KPNA2: variants seen among roughly 807,000 people sequenced by gnomAD.
The protein encoded by KPNA2 is karyopherin subunit alpha 2.
KPNA2 carries 20 observed loss-of-function variants against 53.7 expected under a neutral mutation model. The observed-to-expected ratio is 0.37, with a 90% CI of 0.26 to 0.54. KPNA2 has a LOEUF of 0.54. Ranked by LOEUF, KPNA2 falls within the 20% of genes least tolerant of loss-of-function variation. KPNA2 has a pLI of 0.83. For missense variants in KPNA2, 515 were observed against 640.3 expected, an observed-to-expected ratio of 0.80 and a Z score of 2.11; for synonymous variants, 238 against 227.5, an observed-to-expected ratio of 1.05 and a Z score of -0.42.
chr17:68,044,515 C>G lies in KPNA2; in HGVS notation c.1347+12C>G. The G allele has an allele frequency of 6.2e-7, 1 of 1,606,062 alleles. No individual in the cohort carries two copies. The highest frequency in any genetic ancestry group is 2.2e-5 in the East Asian group (1 of 44,832). On this transcript the variant is annotated intron_variant, in intron 9 of 10. Transcript: ENST00000330459. ...CAAATATCTTTCAGGTAAGTCCTAT[C>G]AAGGTGGCTTTGTTTGAATTTGGAC...
At chr17:68,038,547 C>G (rs543568266) in intron 3 of KPNA2, among the ~76,000 whole-genome samples, 2 of 152,156 alleles carry the variant, frequency 1.3e-5, no homozygotes, top group South Asian at 4.1e-4. Context: ...TACTATTTTC[C>G]TGAAATTTTT....
At chr17:68,045,971 G>A in intron 10 of KPNA2, 50 bp downstream of exon 10, 2 of 1,242,832 alleles carry the variant, frequency 1.6e-6, no homozygotes, top group Non-Finnish European at 2.2e-6. Context: ...ATAAAGTCAA[G>A]GCCATAAGCC....
intron 3 of KPNA2, 44 bp downstream of exon 3, chr17:68,037,539 A>G (rs1320977976): frequency 1.3e-6 from 2 of 1,577,852 alleles, no homozygotes; most frequent in Non-Finnish European, 1.7e-6. Flanking sequence ...AAATCCAGAA[A>G]ATCAGTAGGG....
At chr17:68,041,148 G>A (rs1555704521) in intron 4 of KPNA2, among the ~76,000 whole-genome samples, 1 of 152,218 alleles carries the variant, frequency 6.6e-6, no homozygotes. Context: ...CCATTTAGGA[G>A]ATAAGTATAA....
At position 68,043,922 on chromosome 17, in the gene KPNA2, G is replaced by A. The variant is rs1555705029; in HGVS notation, c.1015G>A (p.Val339Ile). 10 of 1,613,426 alleles carry A rather than the reference G, an allele frequency of 6.2e-6. No individual in the cohort carries two copies. The highest frequency in any genetic ancestry group is 3.3e-5 in the Admixed American group (2 of 59,948). The change falls in exon 8 of 11, where the codon GTC (valine) becomes ATC (isoleucine). Residue 339 changes from valine (V) to isoleucine (I), a missense_variant. Coordinates refer to ENST00000330459, the MANE Select transcript of KPNA2 (RefSeq NM_002266.4). Reference sequence around the variant, plus strand: ...TGTGATTGATGCAGGAGCACTCGCCGTCTTTCCCAGCCTGCTCACCAACCC... The same window carrying A: ...TGTGATTGATGCAGGAGCACTCGCCATCTTTCCCAGCCTGCTCACCAACCC... Reference protein sequence around the residue: ...QVVIDAGALAVFPSLLTNPKT... With the variant: ...QVVIDAGALAIFPSLLTNPKT...
At chr17:68,042,861 CTCAA>C in intron 5 of KPNA2, 40 bp from the exon 6 acceptor site, 1 of 1,192,086 alleles carries the variant, frequency 8.4e-7, no homozygotes, top group South Asian at 1.3e-5. Context: ...GAAACTCCGT[CTCAA>C]AAAAAAAAAA....
chr17:68,038,272 C>G (rs1226380478), intron 3 of KPNA2, among the ~76,000 whole-genome samples: 1 of 152,038 alleles, frequency 6.6e-6, no homozygotes, highest in Non-Finnish European at 1.5e-5. Context: ...ACTGCCCGGC[C>G]TGTTTTTGTA....
intron 4 of KPNA2, among the ~76,000 whole-genome samples, chr17:68,041,740 T>C (rs1489993187): frequency 6.6e-6 from 1 of 152,062 alleles, no homozygotes; most frequent in Non-Finnish European, 1.5e-5. Flanking sequence ...CAAAATGTGC[T>C]TAACCACAAC....
In KPNA2 at chr17:68,045,748, A is replaced by G. The variant is rs782721521; in HGVS notation, c.1348-24A>G. 37 of 1,505,654 alleles carry G rather than the reference A, an allele frequency of 2.5e-5. No individual in the cohort carries two copies. In the African/African-American group the frequency reaches 4.6e-4, roughly 19 times the overall value. The allele number at this position is 1,505,654 out of a possible 1,614,324, so 93.3% of individuals were successfully genotyped here. ...AATAAAACCAGAGTATATGCCAGTA[A>G]ACTTGGATTTTTTTTTTTTTTAGGC... On this transcript the variant is annotated intron_variant, in intron 9 of 10. Coordinates refer to ENST00000330459, the MANE Select transcript of KPNA2 (RefSeq NM_002266.4).
intron 3 of KPNA2, among the ~76,000 whole-genome samples, 192 bp from the exon 4 acceptor site, chr17:68,040,486 G>A (rs2071246809): frequency 6.6e-6 from 1 of 152,136 alleles, no homozygotes; most frequent in African/African-American, 2.4e-5. Context: ...GTGAGTCCAT[G>A]ACAACAAGTT....
At position 68,043,908 on chromosome 17, in the gene KPNA2, C is replaced by A; in HGVS notation, c.1001C>A (p.Ala334Glu). 1 of 1,613,302 alleles carries A rather than the reference C, an allele frequency of 6.2e-7. No individual in the cohort carries two copies. Among genetic ancestry groups the A allele is most frequent in the Non-Finnish European group, 8.5e-7 (1 of 1,179,588 alleles). Reference sequence around the variant, plus strand: ...GAACAGACTCAGGTTGTGATTGATGCAGGAGCACTCGCCGTCTTTCCCAGC... The same window carrying A: ...GAACAGACTCAGGTTGTGATTGATGAAGGAGCACTCGCCGTCTTTCCCAGC... ...TDEQTQVVID[A>E]GALAVFPSLL... Residue 334 changes from alanine (A) to glutamate (E), a missense_variant, in exon 8 of 11, where the codon GCA becomes GAA. Coordinates refer to ENST00000330459, the MANE Select transcript of KPNA2 (RefSeq NM_002266.4).
At chr17:68,042,430 T>C (rs782674941) in intron 5 of KPNA2, 77 bp downstream of exon 5, 27 of 1,437,214 alleles carry the variant, frequency 1.9e-5, no homozygotes, top group South Asian at 2.5e-5. Flanking sequence ...TTATAAGTAA[T>C]AGTGACTTTG....
At chr17:68,046,156 A>G (rs541903855) in intron 10 of KPNA2, among the ~76,000 whole-genome samples, 69 of 152,336 alleles carry the variant, frequency 4.5e-4, no homozygotes, top group African/African-American at 1.7e-3. Context: ...AACCTTGAGA[A>G]TCTTAGAATA....
intron 9 of KPNA2, among the ~76,000 whole-genome samples, chr17:68,045,059 C>T (rs2071312122): frequency 6.7e-6 from 1 of 148,642 alleles, no homozygotes; most frequent in Admixed American, 6.8e-5. Context: ...TGTGTTATTG[C>T]ACTCCAGCTT....
chr17:68,044,456 A>C lies in KPNA2; in HGVS notation c.1300A>C (p.Thr434Pro), dbSNP rs1555705154. Residue 434 changes from threonine (T) to proline (P), a missense_variant, in exon 9 of 11, where the codon ACC becomes CCC. By Grantham distance (38) the Thr-to-Pro change is conservative (BLOSUM62 -1). Transcript: ENST00000330459. The part of the protein sequence containing the change: ...PLMNLLTAKD[T>P]KIILVILDAI... ...GATGAACCTCTTAACTGCAAAAGATACCAAGATTATTCTGGTTATCCTGGA... is the reference window on the plus strand; with the variant it reads ...GATGAACCTCTTAACTGCAAAAGATCCCAAGATTATTCTGGTTATCCTGGA... The C allele has an allele frequency of 6.2e-7, 1 of 1,614,178 alleles. No homozygotes were observed. Among genetic ancestry groups the C allele is most frequent in the South Asian group, 1.1e-5 (1 of 91,080 alleles).
In KPNA2 at chr17:68,043,605, C is replaced by G. The variant is rs532671834; in HGVS notation, c.931-233C>G. Among the ~76,000 whole-genome samples the G allele has an allele frequency of 6.0e-5, 9 of 150,674 alleles. No individual in the cohort carries two copies. The East Asian group carries it at 1.8e-3, about 29-fold the overall frequency. On this transcript the variant is annotated intron_variant, in intron 7 of 10. Transcript: ENST00000330459. ...TCTGTAATCTCAACTACTCGGGAGG[C>G]TAAGGCAGGAGAATTGCTTGAATCT...
rs139055947 is a variant in KPNA2, at chr17:68,042,488, G to A, written c.571+135G>A. On this transcript the variant is annotated intron_variant, in intron 5 of 10. Coordinates refer to ENST00000330459, the MANE Select transcript of KPNA2 (RefSeq NM_002266.4). ...AGCCCTTATTAGGAATGAAAGTGTC[G>A]TCTTTACAAAGGCAGCAGAGGGCCA... The A allele has an allele frequency of 1.5e-4, 147 of 966,198 alleles. 1 individual carries two copies. The East Asian group carries it at 2.4e-3, about 16-fold the overall frequency. The allele number at this position is 966,198 out of a possible 1,614,324, so 59.9% of individuals were successfully genotyped here.
At chr17:68,038,131 C>CT (rs1491410216) in intron 3 of KPNA2, among the ~76,000 whole-genome samples, 1 of 152,180 alleles carries the variant, frequency 6.6e-6, no homozygotes, top group Non-Finnish European at 1.5e-5. Flanking sequence ...CGCCCGCACC[C>CT]TGTCTGGCTA....
rs782341513 is a variant in KPNA2 at position 68,043,345 on chromosome 17, T to G, written c.912T>G (p.Ala304=). The change falls in exon 7 of 11, where the codon GCT becomes GCG. Residue 304 remains alanine, a synonymous_variant. Coordinates refer to ENST00000330459, the MANE Select transcript of KPNA2 (RefSeq NM_002266.4). Reference sequence around the variant, plus strand: ...CCCAACTTGTGAAGCTTCTAGGAGCTTCTGAATTGCCAATTGTGGTAAGTT... The same window carrying G: ...CCCAACTTGTGAAGCTTCTAGGAGCGTCTGAATTGCCAATTGTGGTAAGTT... The part of the protein sequence containing the change: ...VVPQLVKLLG[A]SELPIVTPAL... 2.2e-4 allele frequency: 350 copies of G among 1,614,112 alleles called. 3 individuals are homozygous for G. The South Asian group carries it at 3.6e-3, about 17-fold the overall frequency.
Sources: gnomAD v4.1 joint callset for allele counts (sites outside exome capture counted in the v4.1 genomes callset) on GRCh38, gnomAD v4.1.1 for gene constraint, MANE v1.5 for transcripts, NCBI Gene and HGNC (gene_info 2026-07-23, HGNC 2026-07-21) for gene names.